SLC38A8: variants seen among roughly 807,000 people sequenced by gnomAD.
SLC38A8 encodes the protein solute carrier family 38 member 8, also known as amino acid transporter SLC38A8.
SLC38A8 carries 65 observed loss-of-function variants against 46.0 expected under a neutral mutation model. The ratio of observed to expected loss-of-function variants is 1.41; its 90% CI spans 1.16 to 1.74. The LOEUF is 1.74. SLC38A8 is among the 40% of genes most tolerant of loss of function. SLC38A8 has a pLI of 0.00. For synonymous variants in SLC38A8, 447 were observed against 243.7 expected, an observed-to-expected ratio of 1.83 and a Z score of -7.77; for missense variants, 998 against 567.9, an observed-to-expected ratio of 1.76 and a Z score of -7.70.
chr16:84,020,327 G>T (rs897052825), intron 7 of SLC38A8, among the ~76,000 whole-genome samples: 1 of 152,070 alleles, frequency 6.6e-6, no homozygotes, highest in Non-Finnish European at 1.5e-5. Flanking sequence ...AAATGTTTTT[G>T]TAGAGACAGG....
In SLC38A8 at chr16:84,033,363, A is replaced by G; in HGVS notation, c.495T>C (p.Ser165=). 6.2e-7 allele frequency: 1 copy of G among 1,613,996 alleles called. No individual in the cohort carries two copies. Among genetic ancestry groups the G allele is most frequent in the Non-Finnish European group, 8.5e-7 (1 of 1,179,964 alleles). The part of the protein sequence containing the change: ...LLSVLVILPL[S]APREIAFQKY... ...TCTGGAAGGCGATCTCCCGCGGGGCAGACAGGGGCAGGATGACCAGCACGG... is the reference window on the plus strand; with the variant it reads ...TCTGGAAGGCGATCTCCCGCGGGGCGGACAGGGGCAGGATGACCAGCACGG... Residue 165 remains serine (S), a synonymous_variant, in exon 4 of 11, where the codon TCT becomes TCC. Coordinates refer to ENST00000299709, the MANE Select transcript of SLC38A8 (RefSeq NM_001080442.3).
At chr16:84,022,246 G>C (rs897902611) in intron 7 of SLC38A8, among the ~76,000 whole-genome samples, 1 of 152,204 alleles carries the variant, frequency 6.6e-6, no homozygotes, top group Admixed American at 6.5e-5. Context: ...TGGCCAACCA[G>C]AAGCCAGCCG....
In SLC38A8 at chr16:84,036,302, G is replaced by A. The variant is rs147974519; in HGVS notation, c.388+400C>T. Among the ~76,000 whole-genome samples, 647 of 152,364 alleles carry A rather than the reference G, an allele frequency of 4.2e-3. 3 individuals are homozygous for A. Among genetic ancestry groups the A allele is most frequent in the African/African-American group, 0.015 (619 of 41,582 alleles). ...ATTGGCAAGATGCAGCTAAAGCAGT[G>A]CTTAGAGGGAAAGTCTTAGTCGGGA... On this transcript the variant is annotated intron_variant, in intron 3 of 10. Transcript: ENST00000299709.
intron 10 of SLC38A8, among the ~76,000 whole-genome samples, chr16:84,011,964 G>A (rs537044794): frequency 6.6e-6 from 1 of 152,328 alleles, no homozygotes; most frequent in African/African-American, 2.4e-5. Flanking sequence ...TAAAGGCAGA[G>A]ACTGGAGTGA....
intron 4 of SLC38A8, 40 bp from the exon 5 acceptor site, chr16:84,032,008 C>A (rs1306840458): frequency 2.6e-6 from 4 of 1,557,194 alleles, no homozygotes; most frequent in Non-Finnish European, 3.5e-6. Flanking sequence ...CAGTGGGTGA[C>A]ATGTGCGGTT....
At chr16:84,024,144 T>A (rs71404128) in intron 6 of SLC38A8, among the ~76,000 whole-genome samples, 2 of 151,834 alleles carry the variant, frequency 1.3e-5, no homozygotes, top group Non-Finnish European at 2.9e-5. Flanking sequence ...TCTGCAGACA[T>A]GGTCAAATGT....
At chr16:84,025,397 C>T (rs1351573218) in intron 6 of SLC38A8, among the ~76,000 whole-genome samples, 2 of 152,214 alleles carry the variant, frequency 1.3e-5, no homozygotes, top group East Asian at 1.9e-4. Flanking sequence ...CCAGCCAACT[C>T]CTCTGCACCC....
chr16:84,033,331 G>A lies in SLC38A8; in HGVS notation c.527C>T (p.Thr176Ile). ...CAGGCAGCATCCCAGCCCTTACCTT[G>A]TGTATTTCTGGAAGGCGATCTCCCG... ...APREIAFQKY[T>I]SILGTLAACY... Residue 176 changes from threonine (T) to isoleucine (I), a missense_variant, in exon 4 of 11, where the codon ACA (threonine) becomes ATA (isoleucine). By Grantham distance (89) the Thr-to-Ile change is moderately conservative. Transcript: ENST00000299709. 6.2e-7 allele frequency: 1 copy of A among 1,614,012 alleles called. No homozygotes were observed. Among genetic ancestry groups the A allele is most frequent in the African/African-American group, 1.3e-5 (1 of 74,992 alleles).
At chr16:84,034,863 G>T (rs919839765) in intron 3 of SLC38A8, among the ~76,000 whole-genome samples, 2 of 151,968 alleles carry the variant, frequency 1.3e-5, no homozygotes, top group African/African-American at 4.8e-5. Flanking sequence ...GATCCTCAGG[G>T]CCAACAGCAG....
rs141785742 is a variant in SLC38A8, at chr16:84,013,299, C to G, written c.1163-247G>C. Among the ~76,000 whole-genome samples, 69 of 152,184 alleles carry G rather than the reference C, an allele frequency of 4.5e-4. 1 individual carries two copies. The East Asian group carries it at 0.013, about 29-fold the overall frequency. ...ACCGACTTCCCAGAGCCCCATCTTTCAGGCAACCTTGACAACATGCCCCCC... is the reference window on the plus strand; with the variant it reads ...ACCGACTTCCCAGAGCCCCATCTTTGAGGCAACCTTGACAACATGCCCCCC... On this transcript the variant is annotated intron_variant, in intron 9 of 10. Transcript: ENST00000299709.
intron 3 of SLC38A8, among the ~76,000 whole-genome samples, chr16:84,035,203 T>A (rs905351252): frequency 1.3e-5 from 2 of 152,104 alleles, no homozygotes; most frequent in African/African-American, 4.8e-5. Flanking sequence ...TTCAGTGGAG[T>A]TGAAACTGCA....
chr16:84,016,479 A>G (rs1345333184), intron 9 of SLC38A8, 40 bp downstream of exon 9: 2 of 1,602,570 alleles, frequency 1.2e-6, no homozygotes, highest in Non-Finnish European at 1.7e-6. Flanking sequence ...TGAGCAGGGA[A>G]GAACAAGTGG....
At chr16:84,016,771 A>G in intron 8 of SLC38A8, 44 bp from the exon 9 acceptor site, 1 of 1,577,532 alleles carries the variant, frequency 6.3e-7, no homozygotes. Context: ...TCTCAGGGGC[A>G]CCAGCCTCCA....
chr16:84,034,474 G>A (rs558385816), intron 3 of SLC38A8, among the ~76,000 whole-genome samples: 3 of 152,324 alleles, frequency 2.0e-5, no homozygotes, highest in Admixed American at 6.5e-5. Context: ...GTGGTTGGAG[G>A]TGGGAGCCAC....
intron 7 of SLC38A8, among the ~76,000 whole-genome samples, chr16:84,020,442 C>G (rs754093676): frequency 1.3e-5 from 2 of 152,232 alleles, no homozygotes; most frequent in African/African-American, 2.4e-5. Context: ...GCCACCACAC[C>G]TGGCCTGAAG....
At chr16:84,027,475 GC>G (rs1446205918) in intron 6 of SLC38A8, among the ~76,000 whole-genome samples, 1 of 152,216 alleles carries the variant, frequency 6.6e-6, no homozygotes, top group African/African-American at 2.4e-5. Flanking sequence ...GACTGGACAG[GC>G]CTGGGGCGGG....
intron 7 of SLC38A8, among the ~76,000 whole-genome samples, chr16:84,019,409 A>G (rs996397067): frequency 6.6e-6 from 1 of 152,112 alleles, no homozygotes; most frequent in African/African-American, 2.4e-5. Context: ...TAATGTACCA[A>G]TTTGGCATAC....
chr16:84,016,704 C>T lies in SLC38A8; in HGVS notation c.977G>A (p.Arg326Lys). 4 of 1,613,042 alleles carry T rather than the reference C, an allele frequency of 2.5e-6. No homozygotes were observed. The highest frequency in any genetic ancestry group is 1.7e-6 in the Non-Finnish European group (2 of 1,179,900). The change falls in exon 9 of 11, where the codon AGG becomes AAG. Residue 326 changes from arginine (R) to lysine (K), a missense_variant. Coordinates refer to ENST00000299709, the MANE Select transcript of SLC38A8 (RefSeq NM_001080442.3). The part of the protein sequence containing the change: ...LGRSVMQDFW[R>K]RSCLGGWGPS... ...CCCCCATCCCCCCAAGCAGCTCCTC[C>T]TCCAGAAGTCCTGCATCACTGACCT...
intron 2 of SLC38A8, among the ~76,000 whole-genome samples, chr16:84,038,499 C>A (rs2085328465): frequency 6.6e-6 from 1 of 152,182 alleles, no homozygotes; most frequent in Non-Finnish European, 1.5e-5. Flanking sequence ...AGCTGCAGAT[C>A]CCAGTGTACA....
Sources: gnomAD v4.1 joint callset for allele counts (sites outside exome capture counted in the v4.1 genomes callset) on GRCh38, gnomAD v4.1.1 for gene constraint, MANE v1.5 for transcripts, NCBI Gene and HGNC (gene_info 2026-07-23, HGNC 2026-07-21) for gene names.